Variants in NOTCH4 observed in about 807,000 individuals in gnomAD.
The protein encoded by NOTCH4 is neurogenic locus notch homolog protein 4.
Under a neutral mutation model 189.0 loss-of-function variants are expected in NOTCH4, and 138 were observed. The ratio of observed to expected loss-of-function variants is 0.73; its 90% CI spans 0.64 to 0.84. The LOEUF is 0.84. Among genes scored for constraint, NOTCH4 ranks in the 40% least tolerant of loss-of-function variants. NOTCH4 has a pLI of 0.00. For synonymous variants in NOTCH4, 942 were observed against 1,032.8 expected (o/e 0.91, Z 1.69); for missense variants, 2,286 against 2,605.4 (o/e 0.88, Z 2.67).
chr6:32,211,464 G>A, intron 17 of NOTCH4, among the ~76,000 whole-genome samples: 1 of 151,250 alleles, frequency 6.6e-6, no homozygotes, highest in Non-Finnish European at 1.5e-5. Context: ...TGGGCATGGT[G>A]GCACACGAAT....
In NOTCH4 at chr6:32,198,284, A is replaced by G; in HGVS notation, c.4756+137T>C. 1.1e-6 allele frequency: 1 copy of G among 931,850 alleles called. No individual in the cohort carries two copies. Among genetic ancestry groups the G allele is most frequent in the South Asian group, 1.8e-5 (1 of 55,394 alleles). The allele number at this position is 931,850 out of a possible 1,614,324, so 57.7% of individuals were successfully genotyped here. The stretch of plus-strand genomic sequence containing the variant: ...GTGATGCTGATTTTGCTGTCTGAGG[A>G]CCACACTTTGAGAATCATTGTTCTA... On this transcript the variant is annotated intron_variant, in intron 26 of 29. Transcript: ENST00000375023. The surrounding 1 kb of genome is among the most constrained non-coding windows in gnomAD (Gnocchi z 5.5).
In NOTCH4 at chr6:32,196,981, T is replaced by C; in HGVS notation, c.5144A>G (p.Asp1715Gly). 1 of 1,612,910 alleles carries C rather than the reference T, an allele frequency of 6.2e-7. No homozygotes were observed. The highest frequency in any genetic ancestry group is 1.7e-5 in the Admixed American group (1 of 60,008). ...GGCTGCAATCAGTTCTTCAACCAGG[T>C]CTTCCACCGCCAGCCTGGCAGCCAG... ...LMLAARLAVE[D>G]LVEELIAAQA... The change falls in exon 28 of 30, where the codon GAC becomes GGC. Residue 1715 changes from aspartate to glycine, a missense_variant. Asp to Gly is a moderately conservative substitution (Grantham distance 94). Around this residue, in one of 2 missense-constraint regions of NOTCH4, gnomAD observed 1,903 missense variants for 2,261.9 expected, o/e 0.84. Transcript: ENST00000375023.
Position 32,196,910 on chromosome 6 carries a change from C to T in NOTCH4, c.5200+15G>A. 3.1e-6 allele frequency: 5 copies of T among 1,612,870 alleles called. No individual in the cohort carries two copies. The highest frequency in any genetic ancestry group is 3.4e-6 in the Non-Finnish European group (4 of 1,180,010). The stretch of plus-strand genomic sequence containing the variant: ...CAACTTCTCTATAGCATACATCACC[C>T]CTTCCTCTACATACCCCATTTATCT... On this transcript the variant is annotated intron_variant, in intron 28 of 29. Coordinates refer to ENST00000375023, the MANE Select transcript of NOTCH4 (RefSeq NM_004557.4).
chr6:32,221,247 T>C lies in NOTCH4; in HGVS notation c.530A>G (p.Gln177Arg), dbSNP rs781006813. 6.2e-7 allele frequency: 1 copy of C among 1,613,020 alleles called. No individual in the cohort carries two copies. Among genetic ancestry groups the C allele is most frequent in the East Asian group, 2.2e-5 (1 of 44,872 alleles). ...NGGVCLATYP[Q>R]IQCHCPPGFE... The stretch of plus-strand genomic sequence containing the variant: ...GCCCGGTGGGCAGTGGCACTGGATC[T>C]GGGGGTATGTGGCCAGACACACCCC... Residue 177 changes from glutamine (Q) to arginine (R), a missense_variant, in exon 4 of 30, where the codon CAG becomes CGG. Gln to Arg is a conservative substitution (Grantham distance 43). Coordinates refer to ENST00000375023, the MANE Select transcript of NOTCH4 (RefSeq NM_004557.4). The surrounding 1 kb of genome is among the most constrained non-coding windows in gnomAD (Gnocchi z 4.3).
At position 32,221,218 on chromosome 6, in the gene NOTCH4, C is replaced by T. The variant is rs753307747; in HGVS notation, c.559G>A (p.Glu187Lys). The change falls in exon 4 of 30, where the codon GAG becomes AAG. Residue 187 changes from glutamate to lysine, a missense_variant. Glu to Lys is a moderately conservative substitution (Grantham distance 56). This residue lies in a region of NOTCH4 where 1,903 missense variants were observed against 2,261.9 expected (regional missense o/e 0.84). Transcript: ENST00000375023. This position sits in a 1 kb window ranked among gnomAD's most constrained non-coding sequence, Gnocchi z 4.3. ...QIQCHCPPGF[E>K]GHACERDVNE... The stretch of plus-strand genomic sequence containing the variant: ...ACATCACGTTCACAGGCATGGCCCT[C>T]GAAGCCCGGTGGGCAGTGGCACTGG... 2.4e-5 allele frequency: 38 copies of T among 1,612,966 alleles called. No individual in the cohort carries two copies. In the Middle Eastern group the frequency reaches 1.2e-3, roughly 49 times the overall value.
chr6:32,217,640 AGAGGAGT>A lies in NOTCH4; in HGVS notation c.1624+348_1624+354del, dbSNP rs1469444624. ...TGTAGTTATTATAATAGCAGGGGACAGAGGAGTGTCCGGTGAGGCTGGAGAAGAAAGG... is the reference window on the plus strand; with the variant it reads ...TGTAGTTATTATAATAGCAGGGGACAGTCCGGTGAGGCTGGAGAAGAAAGG... On this transcript the variant is annotated intron_variant, in intron 9 of 29. Transcript: ENST00000375023. The surrounding 1 kb of genome is among the most constrained non-coding windows in gnomAD (Gnocchi z 4.2). Among the ~76,000 whole-genome samples, 1 of 152,250 alleles carries A rather than the reference AGAGGAGT, an allele frequency of 6.6e-6. No individual in the cohort carries two copies. Among genetic ancestry groups the A allele is most frequent in the African/African-American group, 2.4e-5 (1 of 41,470 alleles).
At position 32,202,939 on chromosome 6, in the gene NOTCH4, C is replaced by A; in HGVS notation, c.3232-340G>T. 5.5e-6 allele frequency: 1 copy of A among 181,244 alleles called. No homozygotes were observed. The highest frequency in any genetic ancestry group is 1.1e-5 in the Non-Finnish European group (1 of 88,072). 11.2% of individuals were successfully genotyped at this position (181,244 alleles called of 1,614,324 possible). The stretch of plus-strand genomic sequence containing the variant: ...ATTATTTTTGAGACAGAGTTTCGCT[C>A]TTGTTGTCCAGGCTGGAGTGCAATG... On this transcript the variant is annotated intron_variant, in intron 20 of 29. Transcript: ENST00000375023. The surrounding 1 kb of genome is among the most constrained non-coding windows in gnomAD (Gnocchi z 5.7).
At chr6:32,211,649 T>C (rs1789031619) in intron 17 of NOTCH4, among the ~76,000 whole-genome samples, 1 of 150,004 alleles carries the variant, frequency 6.7e-6, no homozygotes, top group Non-Finnish European at 1.5e-5. Context: ...AAATAAGGTA[T>C]GTGAGGAGGA....
chr6:32,220,685 C>T, intron 5 of NOTCH4, 44 bp from the exon 6 acceptor site: 1 of 1,612,326 alleles, frequency 6.2e-7, no homozygotes, highest in Non-Finnish European at 8.5e-7. Flanking sequence ...GCTGGGAGCC[C>T]TATGAGTAGG....
At position 32,222,684 on chromosome 6, in the gene NOTCH4, G is replaced by A. The variant is rs749519154; in HGVS notation, c.278C>T (p.Ser93Phe). The A allele has an allele frequency of 1.2e-6, 2 of 1,604,612 alleles. No individual in the cohort carries two copies. Among genetic ancestry groups the A allele is most frequent in the Non-Finnish European group, 1.7e-6 (2 of 1,177,418 alleles). ...LLPAPLGLPS[S>F]PSPLTPSFLC... ...GAAGCTGGGTGTCAATGGAGAGGGA[G>A]AGCTGGGGAGCCCTAGGGGAGCGGG... The change falls in exon 3 of 30, where the codon TCT (serine) becomes TTT (phenylalanine). Residue 93 changes from serine to phenylalanine, a missense_variant. Physicochemically the swap from Ser to Phe is radical, Grantham distance 155. Coordinates refer to ENST00000375023, the MANE Select transcript of NOTCH4 (RefSeq NM_004557.4).
At position 32,210,829 on chromosome 6, in the gene NOTCH4, G is replaced by A. The variant is rs980873402; in HGVS notation, c.2788C>T (p.His930Tyr). 1 of 1,612,932 alleles carries A rather than the reference G, an allele frequency of 6.2e-7. No homozygotes were observed. The highest frequency in any genetic ancestry group is 8.5e-7 in the Non-Finnish European group (1 of 1,180,024). The change falls in exon 18 of 30, where the codon CAC becomes TAC. Residue 930 changes from histidine to tyrosine, a missense_variant. His to Tyr is a moderately conservative substitution (Grantham distance 83, BLOSUM62 2). Transcript: ENST00000375023. The surrounding 1 kb of genome is among the most constrained non-coding windows in gnomAD (Gnocchi z 4.8). The part of the protein sequence containing the change: ...PGFQGSLCQD[H>Y]VNPCESRPCQ... ...GGCCTGGACTCACATGGGTTCACGT[G>A]ATCCTGGCACAGGCTGCCTTGGAAT...
At position 32,202,578 on chromosome 6, in the gene NOTCH4, T is replaced by G; in HGVS notation, c.3253A>C (p.Ser1085Arg). The change falls in exon 21 of 30, where the codon AGC becomes CGC. Residue 1085 changes from serine (S) to arginine (R), a missense_variant. Around this residue, in one of 2 missense-constraint regions of NOTCH4, gnomAD observed 1,903 missense variants for 2,261.9 expected, o/e 0.84. Coordinates refer to ENST00000375023, the MANE Select transcript of NOTCH4 (RefSeq NM_004557.4). This position sits in a 1 kb window ranked among gnomAD's most constrained non-coding sequence, Gnocchi z 5.7. ...AAGCCGCAGGAAGGGGCCCTGTGGC[T>G]GCAGGTGGGGCCTTCAAAACCCTGT... ...CPKGFEGPTCSHRAPSCGFHH... is the reference protein window; with the variant it reads ...CPKGFEGPTCRHRAPSCGFHH... The G allele has an allele frequency of 6.3e-7, 1 of 1,594,086 alleles. No homozygotes were observed. Among genetic ancestry groups the G allele is most frequent in the Non-Finnish European group, 8.6e-7 (1 of 1,165,842 alleles).
rs1407063864 is a variant in NOTCH4, at chr6:32,217,225, T to G, written c.1666A>C (p.Arg556=). Residue 556 remains arginine, a synonymous_variant, in exon 10 of 30, where the codon AGA becomes CGA. Transcript: ENST00000375023. The surrounding 1 kb of genome is among the most constrained non-coding windows in gnomAD (Gnocchi z 4.2). ...CCACCATTGGCACAGGGAGAGCTTCTGCACTCATCGATATCCTCCTCACAT... is the reference window on the plus strand; with the variant it reads ...CCACCATTGGCACAGGGAGAGCTTCGGCACTCATCGATATCCTCCTCACAT... ...TRCEEDIDEC[R]SSPCANGGQC... is the part of the protein sequence containing the mutation. The G allele has an allele frequency of 6.2e-7, 1 of 1,613,038 alleles. No individual in the cohort carries two copies. Among genetic ancestry groups the G allele is most frequent in the Admixed American group, 1.7e-5 (1 of 60,000 alleles).
chr6:32,203,703 C>T, intron 20 of NOTCH4, 67 bp downstream of exon 20: 1 of 1,189,694 alleles, frequency 8.4e-7, no homozygotes, highest in Non-Finnish European at 1.2e-6. Context: ...TTCTGGGATT[C>T]CAACTGAGGT....
intron 8 of NOTCH4, among the ~76,000 whole-genome samples, chr6:32,219,371 C>T (rs1332794657): frequency 1.3e-5 from 2 of 152,088 alleles, no homozygotes; most frequent in African/African-American, 2.4e-5. Context: ...ATGGCAGCTT[C>T]CCCCCAAGTT....
chr6:32,223,132 C>A (rs1789900266), intron 1 of NOTCH4, 46 bp from the exon 2 acceptor site: 2 of 1,449,366 alleles, frequency 1.4e-6, no homozygotes, highest in Non-Finnish European at 1.9e-6. Context: ...GGTGCTGTGC[C>A]TCCACCTTTC....
rs137904453 is a variant in NOTCH4 at position 32,202,338 on chromosome 6, A to G, written c.3493T>C (p.Ser1165Pro). The G allele has an allele frequency of 1.9e-4, 302 of 1,612,706 alleles. 2 individuals are homozygous for G. The African/African-American group carries it at 3.9e-3, about 21-fold the overall frequency. Residue 1165 changes from serine to proline, a missense_variant, in exon 21 of 30, where the codon TCT becomes CCT. Ser to Pro is a moderately conservative substitution (Grantham distance 74). This residue lies in a region of NOTCH4 where 1,903 missense variants were observed against 2,261.9 expected (regional missense o/e 0.84). Coordinates refer to ENST00000375023, the MANE Select transcript of NOTCH4 (RefSeq NM_004557.4). The surrounding 1 kb of genome is among the most constrained non-coding windows in gnomAD (Gnocchi z 5.7). ...PGFRCSCPHS[S>P]PGPRCQKPGA... The stretch of plus-strand genomic sequence containing the variant: ...GGTTTCTGACACCGGGGCCCTGGAG[A>G]GCTGTGAGGGCAGGAGCATCGAAAG...
chr6:32,220,349 G>A (rs1004321718), intron 6 of NOTCH4, 56 bp downstream of exon 6: 16 of 1,610,754 alleles, frequency 9.9e-6, no homozygotes, highest in Middle Eastern at 1.7e-4. Flanking sequence ...TCCTCCTGGT[G>A]CTTCTCTCAC....
rs1366528569 is a variant in NOTCH4, at chr6:32,218,029, G to A, written c.1590C>T (p.Asp530=). The change falls in exon 9 of 30, where the codon GAC becomes GAT. Residue 530 remains aspartate, a synonymous_variant. Coordinates refer to ENST00000375023, the MANE Select transcript of NOTCH4 (RefSeq NM_004557.4). ...APCLNHADCH[D]LLNGFQCICL... ...AGATGCACTGGAAGCCGTTGAGCAG[G>A]TCATGGCAATCCGCGTGGTTCAGGC... The A allele has an allele frequency of 6.2e-7, 1 of 1,613,864 alleles. No homozygotes were observed. The highest frequency in any genetic ancestry group is 8.5e-7 in the Non-Finnish European group (1 of 1,179,830).
Sources: allele counts gnomAD v4.1 joint callset (sites outside exome capture counted in the v4.1 genomes callset), GRCh38; gene constraint gnomAD v4.1.1; regional missense constraint gnomAD v4.1.1; non-coding constraint Gnocchi (gnomAD v3.1); transcripts MANE v1.5; gene names NCBI Gene and HGNC (gene_info 2026-07-23, HGNC 2026-07-21).